SYT7: variants seen among roughly 807,000 people sequenced by gnomAD.
SYT7 encodes synaptotagmin 7.
SYT7 carries 29 observed loss-of-function variants against 75.1 expected under a neutral mutation model. That is an observed-to-expected ratio of 0.39 (90% CI 0.29 to 0.53). The LOEUF is 0.53. Among genes scored for constraint, SYT7 ranks in the 20% least tolerant of loss-of-function variants. SYT7 has a pLI of 0.77. For missense variants in SYT7, 693 were observed against 953.2 expected, an observed-to-expected ratio of 0.73 and a Z score of 3.59; for synonymous variants, 376 against 401.7, an observed-to-expected ratio of 0.94 and a Z score of 0.76.
chr11:61,519,307 G>A (rs1262778165), intron 12 of SYT7, among the ~76,000 whole-genome samples: 2 of 152,218 alleles, frequency 1.3e-5, no homozygotes, highest in African/African-American at 2.4e-5. Flanking sequence ...CTATGCTACC[G>A]GCCTAATCCT....
At chr11:61,566,597 A>G (rs1339282446) in intron 1 of SYT7, among the ~76,000 whole-genome samples, 1 of 152,202 alleles carries the variant, frequency 6.6e-6, no homozygotes, top group Non-Finnish European at 1.5e-5. Context: ...GAAAATGATC[A>G]CGTCTGTCAG....
intron 1 of SYT7, among the ~76,000 whole-genome samples, chr11:61,563,981 C>T (rs949638826): frequency 6.6e-6 from 1 of 152,154 alleles, no homozygotes; most frequent in African/African-American, 2.4e-5. Flanking sequence ...AAGCCCACCT[C>T]CCCCAAGAAG....
intron 5 of SYT7, among the ~76,000 whole-genome samples, chr11:61,544,585 G>T (rs2063133534): frequency 6.6e-6 from 1 of 152,152 alleles, no homozygotes; most frequent in African/African-American, 2.4e-5. Flanking sequence ...CGGCACATTG[G>T]CAGCTGCCTC....
chr11:61,520,716 G>A (rs1195772199), intron 12 of SYT7, among the ~76,000 whole-genome samples: 1 of 152,178 alleles, frequency 6.6e-6, no homozygotes, highest in Non-Finnish European at 1.5e-5. Context: ...CCAGCTACTT[G>A]GGAGGCTGAG....
chr11:61,543,580 G>A (rs2063107158), intron 5 of SYT7, among the ~76,000 whole-genome samples: 1 of 152,206 alleles, frequency 6.6e-6, no homozygotes, highest in African/African-American at 2.4e-5. Flanking sequence ...CCACCTCTCT[G>A]GGCCTCAGTT....
At chr11:61,555,736 C>T (rs933123679) in intron 2 of SYT7, among the ~76,000 whole-genome samples, 5 of 151,896 alleles carry the variant, frequency 3.3e-5, no homozygotes, top group African/African-American at 1.2e-4. Context: ...TCAGTCTGCG[C>T]GTGTGTGCCT....
rs2063634726 is a variant in SYT7 at position 61,561,500 on chromosome 11, C to A, written c.32-5293G>T. On this transcript the variant is annotated intron_variant, in intron 1 of 12. Transcript: ENST00000539008. Reference sequence around the variant, plus strand: ...AGCCTATGCTCCTGGCCATGCCACCCCCCAAGGAGATCTCAGGGTCAGGTC... The same window carrying A: ...AGCCTATGCTCCTGGCCATGCCACCACCCAAGGAGATCTCAGGGTCAGGTC... Among the ~76,000 whole-genome samples, 5 of 152,178 alleles carry A rather than the reference C, an allele frequency of 3.3e-5. No individual in the cohort carries two copies. In the South Asian group the frequency reaches 1.0e-3, roughly 32 times the overall value.
chr11:61,557,310 T>A (rs982167343), intron 1 of SYT7, among the ~76,000 whole-genome samples: 3 of 152,286 alleles, frequency 2.0e-5, no homozygotes, highest in Admixed American at 6.5e-5. Context: ...GGAGCCTGCG[T>A]GGGCTTTTTG....
In SYT7 at chr11:61,551,608, C is replaced by T. The variant is rs944852912; in HGVS notation, c.136-145G>A. 3.7e-5 allele frequency: 29 copies of T among 777,848 alleles called. No homozygotes were observed. Among genetic ancestry groups the T allele is most frequent in the Middle Eastern group, 2.4e-4 (1 of 4,236 alleles). The allele number at this position is 777,848 out of a possible 1,614,324, so 48.2% of individuals were successfully genotyped here. A position where few individuals can be genotyped will look rare whatever the true frequency, so the allele number is the denominator to read the frequency against. On this transcript the variant is annotated intron_variant, in intron 2 of 12. Transcript: ENST00000539008. The surrounding 1 kb of genome is among the most constrained non-coding windows in gnomAD (Gnocchi z 5.3). ...GGACCAGTGTGCGAGGCTGTCACCG[C>T]GGTGGGGGCCAATCCCCTGGATGCC...
intron 1 of SYT7, among the ~76,000 whole-genome samples, chr11:61,565,304 G>A (rs1019127170): frequency 6.6e-6 from 1 of 152,184 alleles, no homozygotes; most frequent in African/African-American, 2.4e-5. Flanking sequence ...ACCAGCTCCA[G>A]GGTGATCTGG....
At chr11:61,534,083 G>A (rs2062791645) in intron 7 of SYT7, among the ~76,000 whole-genome samples, 1 of 152,220 alleles carries the variant, frequency 6.6e-6, no homozygotes, top group Non-Finnish European at 1.5e-5. Flanking sequence ...CCTGCCCAGG[G>A]ACCAGGATGG....
chr11:61,588,247 A>G, the SYT7 span, among the ~76,000 whole-genome samples: 2 of 152,178 alleles, frequency 1.3e-5, no homozygotes, highest in Non-Finnish European at 2.9e-5. Context: ...ATCCTGCTCT[A>G]TAATAATCAT....
In SYT7 at chr11:61,573,963, G is replaced by A. The variant is rs148718665; in HGVS notation, c.31+6827C>T. On this transcript the variant is annotated intron_variant, in intron 1 of 12. Transcript: ENST00000539008. Reference sequence around the variant, plus strand: ...TGGTTCTGAGGATGGAGGCGCTAACGCATGTTATGTGCTTAGAACAGCACC... The same window carrying A: ...TGGTTCTGAGGATGGAGGCGCTAACACATGTTATGTGCTTAGAACAGCACC... 7.4e-4 allele frequency among the ~76,000 whole-genome samples: 113 copies of A among 152,350 alleles called. 1 individual carries two copies. In the East Asian group the frequency reaches 0.019, roughly 25 times the overall value.
chr11:61,575,020 A>G (rs917295484), intron 1 of SYT7, among the ~76,000 whole-genome samples: 2 of 151,528 alleles, frequency 1.3e-5, no homozygotes, highest in African/African-American at 4.9e-5. Flanking sequence ...TGCATGCTCC[A>G]CCAACCAGCT....
chr11:61,535,687 G>A (rs965770516), intron 7 of SYT7, among the ~76,000 whole-genome samples: 1 of 152,062 alleles, frequency 6.6e-6, no homozygotes, highest in Non-Finnish European at 1.5e-5. Context: ...ACACTCCCAC[G>A]CTGCTTGGAA....
intron 1 of SYT7, among the ~76,000 whole-genome samples, chr11:61,577,984 T>G (rs1351883853): frequency 6.6e-6 from 1 of 152,080 alleles, no homozygotes; most frequent in Non-Finnish European, 1.5e-5. Flanking sequence ...AAACAGGGAC[T>G]TCAGGATGAA....
intron 1 of SYT7, among the ~76,000 whole-genome samples, chr11:61,573,205 G>T (rs546943708): frequency 6.6e-6 from 1 of 152,298 alleles, no homozygotes; most frequent in Non-Finnish European, 1.5e-5. Flanking sequence ...GGGGTTATGT[G>T]GGTACAGAAC....
Position 61,533,027 on chromosome 11 carries a change from A to C in SYT7, c.1162T>G (p.Ser388Ala). The C allele has an allele frequency of 6.2e-7, 1 of 1,613,710 alleles. No individual in the cohort carries two copies. The highest frequency in any genetic ancestry group is 8.5e-7 in the Non-Finnish European group (1 of 1,180,010). ...DRRTEPRSSV[S>A]DLVNSLTSEM... ...CTGGTGAGGGAGTTGACGAGGTCTG[A>C]GACGGAGGAACGTGGCTCGGTCCGG... is the stretch of plus-strand genomic sequence containing the variant. The change falls in exon 8 of 13, where the codon TCA becomes GCA. Residue 388 changes from serine to alanine, a missense_variant. Coordinates refer to ENST00000539008, the MANE Select transcript of SYT7 (RefSeq NM_001365809.2).
chr11:61,554,510 C>T (rs887275798), intron 2 of SYT7, among the ~76,000 whole-genome samples: 1 of 152,100 alleles, frequency 6.6e-6, no homozygotes, highest in Non-Finnish European at 1.5e-5. Flanking sequence ...ACACATTCAG[C>T]ACAGACTCCA....
Sources: gnomAD v4.1 joint callset for allele counts (sites outside exome capture counted in the v4.1 genomes callset) on GRCh38, gnomAD v4.1.1 for gene constraint, Gnocchi (gnomAD v3.1) non-coding constraint, MANE v1.5 for transcripts, NCBI Gene and HGNC (gene_info 2026-07-23, HGNC 2026-07-21) for gene names.